The following GRK5 variants were observed in gnomAD, a reference collection of about 807,000 sequenced individuals.
GRK5 encodes the protein G protein-coupled receptor kinase 5.
Under a neutral mutation model 78.4 loss-of-function variants are expected in GRK5, and 40 were observed. The observed-to-expected ratio is 0.51, with a 90% CI of 0.40 to 0.66. The LOEUF (loss-of-function observed/expected upper bound fraction) is 0.66. GRK5 is among the 30% of genes least tolerant of loss of function. GRK5 has a pLI of 0.00. For synonymous variants in GRK5, 289 were observed against 296.8 expected, an observed-to-expected ratio of 0.97 and a Z score of 0.27; for missense variants, 598 against 759.9, an observed-to-expected ratio of 0.79 and a Z score of 2.50.
chr10:119,339,733 A>C (rs1282941448), intron 2 of GRK5, among the ~76,000 whole-genome samples: 3 of 152,202 alleles, frequency 2.0e-5, no homozygotes, highest in African/African-American at 7.2e-5. Flanking sequence ...TCTCTACTAA[A>C]AATACAAAAA....
chr10:119,291,720 ATCC>A (rs1423830657), intron 1 of GRK5, among the ~76,000 whole-genome samples: 2 of 74,816 alleles, frequency 2.7e-5, no homozygotes, highest in Admixed American at 1.4e-4. Context: ...CCTTATCCTC[ATCC>A]TCCTCCTTCT....
intron 4 of GRK5, among the ~76,000 whole-genome samples, chr10:119,418,307 G>T (rs930389584): frequency 6.6e-6 from 1 of 152,174 alleles, no homozygotes; most frequent in South Asian, 2.1e-4. Context: ...CCAGCTTCAG[G>T]GGGGACCAGA....
rs911199919 is a variant in GRK5, at chr10:119,412,284, G to A, written c.340-10882G>A. On this transcript the variant is annotated intron_variant, in intron 4 of 15. Coordinates refer to ENST00000392870, the MANE Select transcript of GRK5 (RefSeq NM_005308.3). This position sits in a 1 kb window ranked among gnomAD's most constrained non-coding sequence, Gnocchi z 4.3. ...CAAGGACCTCTACCCACAGGCTGCC[G>A]GTCCGGTGTGTCTCTGCCTGGCAGG... Among the ~76,000 whole-genome samples, 68 of 152,190 alleles carry A rather than the reference G, an allele frequency of 4.5e-4. No homozygotes were observed. Among genetic ancestry groups the A allele is most frequent in the Non-Finnish European group, 7.2e-4 (49 of 68,034 alleles).
At chr10:119,361,122 C>T (rs1450679363) in intron 2 of GRK5, among the ~76,000 whole-genome samples, 2 of 152,228 alleles carry the variant, frequency 1.3e-5, no homozygotes, top group Non-Finnish European at 2.9e-5. Flanking sequence ...TTGGGCAATG[C>T]ACAGACCTTA....
At position 119,458,856 on chromosome 10, in the gene GRK5, G is replaced by A. The variant is rs772938867; in HGVS notation, c.*3789G>A. The A allele has an allele frequency of 6.6e-6, 1 of 152,100 alleles. No individual in the cohort carries two copies. The highest frequency in any genetic ancestry group is 1.5e-5 in the Non-Finnish European group (1 of 68,036). The allele number at this position is 152,100 out of a possible 1,614,324, so 9.4% of individuals were successfully genotyped here. Reference sequence around the variant, plus strand: ...CCACCGAGCCGCTGCCCTCAAAACGGAGGGGGCACCGCAGCCTCCTTGAGC... The same window carrying A: ...CCACCGAGCCGCTGCCCTCAAAACGAAGGGGGCACCGCAGCCTCCTTGAGC... On this transcript the variant is annotated 3_prime_UTR_variant, in exon 16 of 16. Coordinates refer to ENST00000392870, the MANE Select transcript of GRK5 (RefSeq NM_005308.3).
chr10:119,354,395 C>CTTTTTTTTTTTTTTTTTTTTT (rs60146483), intron 2 of GRK5, among the ~76,000 whole-genome samples: 1 of 87,808 alleles, frequency 1.1e-5, no homozygotes. Flanking sequence ...CCTACATCTC[C>CTTTTTTTTTTTTTTTTTTTTT]TTTTTTTTTT....
Position 119,430,310 on chromosome 10 carries a change from A to T in GRK5, c.534-65A>T. On this transcript the variant is annotated intron_variant, in intron 6 of 15. Transcript: ENST00000392870. This position sits in a 1 kb window ranked among gnomAD's most constrained non-coding sequence, Gnocchi z 4.5. The stretch of plus-strand genomic sequence containing the variant: ...CCACCCCAGCTGCTCTCAATGTGCC[A>T]CTGTTTCCTGTGGATTCTGAGTCTT... 7.0e-7 allele frequency: 1 copy of T among 1,426,588 alleles called. No individual in the cohort carries two copies. Among genetic ancestry groups the T allele is most frequent in the Non-Finnish European group, 9.9e-7 (1 of 1,011,152 alleles). The allele number at this position is 1,426,588 out of a possible 1,614,324, so 88.4% of individuals were successfully genotyped here.
chr10:119,344,092 C>T (rs1230223162), intron 2 of GRK5, among the ~76,000 whole-genome samples: 3 of 150,560 alleles, frequency 2.0e-5, no homozygotes, highest in Admixed American at 6.6e-5. Context: ...TTTTTTTTGG[C>T]GGGGGGTAAC....
intron 1 of GRK5, among the ~76,000 whole-genome samples, chr10:119,290,564 C>G (rs78017873): frequency 0.021 from 3,218 of 152,088 alleles, 74 homozygotes; most frequent in East Asian, 0.059. Flanking sequence ...ACTTCTGCCT[C>G]TAGAAGGCAG....
chr10:119,227,403 C>T (rs557266536), intron 1 of GRK5, among the ~76,000 whole-genome samples: 44 of 152,198 alleles, frequency 2.9e-4, no homozygotes, highest in Non-Finnish European at 7.4e-5. Flanking sequence ...TCCATCTCTA[C>T]TAAAAATACA....
At chr10:119,211,174 A>T (rs1341076694) in intron 1 of GRK5, among the ~76,000 whole-genome samples, 2 of 152,240 alleles carry the variant, frequency 1.3e-5, no homozygotes, top group African/African-American at 4.8e-5. Context: ...TCTCATGAGA[A>T]AACATCAACT....
Position 119,361,368 on chromosome 10 carries a change from A to G in GRK5, c.149-19447A>G, listed in dbSNP as rs1444833001. On this transcript the variant is annotated intron_variant, in intron 2 of 15. Transcript: ENST00000392870. ...ATGGGGAGGCCTCGAGGCCATCATG[A>G]TTCAACCATTCTCTTACTCAGCAAG... is the stretch of plus-strand genomic sequence containing the variant. Among the ~76,000 whole-genome samples the G allele has an allele frequency of 2.6e-5, 4 of 152,290 alleles. No individual in the cohort carries two copies. In the East Asian group the frequency reaches 7.7e-4, roughly 29 times the overall value.
At chr10:119,344,095 G>T (rs577664788) in intron 2 of GRK5, among the ~76,000 whole-genome samples, 2 of 151,622 alleles carry the variant, frequency 1.3e-5, no homozygotes, top group African/African-American at 2.4e-5. Flanking sequence ...TTTTTGGCGG[G>T]GGGTAACAGA....
chr10:119,446,668 G>A (rs550451919), intron 12 of GRK5, among the ~76,000 whole-genome samples: 7 of 152,268 alleles, frequency 4.6e-5, no homozygotes, highest in South Asian at 2.1e-4. Flanking sequence ...ACCCTGAGCC[G>A]CCAGCCTGGT....
intron 2 of GRK5, among the ~76,000 whole-genome samples, chr10:119,370,292 T>C (rs1851525925): frequency 6.6e-6 from 1 of 152,156 alleles, no homozygotes; most frequent in Admixed American, 6.5e-5. Context: ...TGCGATTCAG[T>C]GGTTTCACAT....
Position 119,436,735 on chromosome 10 carries a change from A to G in GRK5, c.823A>G (p.Ile275Val). ...GAATGGGGGTGACCTGAAGTTCCAC[A>G]TCTACAACATGGGCAACCCTGGCTT... ...IMNGGDLKFHIYNMGNPGFEE... is the reference protein window; with the variant it reads ...IMNGGDLKFHVYNMGNPGFEE... The change falls in exon 9 of 16, where the codon ATC becomes GTC. Residue 275 changes from isoleucine to valine, a missense_variant. Ile to Val is a conservative substitution (Grantham distance 29). Coordinates refer to ENST00000392870, the MANE Select transcript of GRK5 (RefSeq NM_005308.3). 1.9e-6 allele frequency: 3 copies of G among 1,614,228 alleles called. No individual in the cohort carries two copies. The highest frequency in any genetic ancestry group is 1.3e-5 in the African/African-American group (1 of 75,070).
intron 1 of GRK5, among the ~76,000 whole-genome samples, chr10:119,313,223 G>A (rs1462771421): frequency 2.7e-5 from 4 of 146,154 alleles, no homozygotes; most frequent in African/African-American, 1.0e-4. Context: ...TGGTGGTGAC[G>A]GTAGTGATGA....
At chr10:119,448,368 C>A in intron 13 of GRK5, 108 bp downstream of exon 13, 1 of 1,291,076 alleles carries the variant, frequency 7.7e-7, no homozygotes, top group South Asian at 1.5e-5. Flanking sequence ...CACATCGTGT[C>A]TTTGTGGGGA....
At chr10:119,241,589 G>A (rs1156822796) in intron 1 of GRK5, among the ~76,000 whole-genome samples, 1 of 152,156 alleles carries the variant, frequency 6.6e-6, no homozygotes, top group Non-Finnish European at 1.5e-5. Context: ...CATAGTGGTG[G>A]GCACATAGGG....
Sources: allele counts gnomAD v4.1 joint callset (sites outside exome capture counted in the v4.1 genomes callset), GRCh38; gene constraint gnomAD v4.1.1; non-coding constraint Gnocchi (gnomAD v3.1); transcripts MANE v1.5; gene names NCBI Gene and HGNC (gene_info 2026-07-23, HGNC 2026-07-21).